The following MECOM variants were observed in gnomAD, a reference collection of about 807,000 sequenced individuals.
MECOM encodes MDS1 and EVI1 complex locus, also known as histone-lysine N-methyltransferase MECOM.
Under a neutral mutation model 116.3 loss-of-function variants are expected in MECOM, and 13 were observed. The observed-to-expected ratio is 0.11, with a 90% CI of 0.07 to 0.18. MECOM has a LOEUF of 0.18. Among genes scored for constraint, MECOM ranks in the 10% least tolerant of loss-of-function variants. The pLI is 1.00. For synonymous variants in MECOM, 528 were observed against 535.2 expected (o/e 0.99, Z 0.19); for missense variants, 1,299 against 1,509.0 (o/e 0.86, Z 2.31).
intron 1 of MECOM, among the ~76,000 whole-genome samples, chr3:169,601,538 A>G (rs1577064824): frequency 6.6e-6 from 1 of 152,336 alleles, no homozygotes; most frequent in South Asian, 2.1e-4. Flanking sequence ...GCGCCGCAGT[A>G]GAAAAACACC....
intron 2 of MECOM, among the ~76,000 whole-genome samples, chr3:169,305,030 T>G (rs145881880): frequency 2.9e-3 from 439 of 152,300 alleles, no homozygotes; most frequent in Admixed American, 5.0e-3. Context: ...TTTACACTAC[T>G]GTGAAAGGCA....
At chr3:169,332,475 C>CA (rs1392536554) in intron 2 of MECOM, among the ~76,000 whole-genome samples, 7 of 151,808 alleles carry the variant, frequency 4.6e-5, no homozygotes, top group Non-Finnish European at 4.4e-5. Context: ...TGTACCAAGA[C>CA]AAAAAAATGT....
chr3:169,591,532 A>C (rs1280617717), intron 1 of MECOM, among the ~76,000 whole-genome samples: 4 of 152,144 alleles, frequency 2.6e-5, no homozygotes, highest in Non-Finnish European at 5.9e-5. Flanking sequence ...CATGTTACAC[A>C]CCCACATACT....
chr3:169,531,352 G>T (rs190610246), intron 1 of MECOM, among the ~76,000 whole-genome samples: 235 of 152,258 alleles, frequency 1.5e-3, no homozygotes, highest in African/African-American at 5.3e-3. Flanking sequence ...ACTGAGGATG[G>T]TGAATAACTT....
chr3:169,225,848 T>C (rs917971833), intron 2 of MECOM, among the ~76,000 whole-genome samples: 7 of 152,204 alleles, frequency 4.6e-5, no homozygotes, highest in African/African-American at 9.6e-5. Context: ...GACATCGTGA[T>C]CCGCCTGCCT....
At chr3:169,649,968 G>T (rs1774681943) in intron 1 of MECOM, among the ~76,000 whole-genome samples, 3 of 152,122 alleles carry the variant, frequency 2.0e-5, no homozygotes, top group Non-Finnish European at 4.4e-5. Flanking sequence ...TTCCATTTTT[G>T]TAACCTTCTG....
intron 1 of MECOM, among the ~76,000 whole-genome samples, chr3:169,568,973 TCAAATTCA>T (rs1257031598): frequency 3.9e-5 from 6 of 152,068 alleles, no homozygotes; most frequent in Admixed American, 1.3e-4. Flanking sequence ...AATGACAGGA[TCAAATTCA>T]CACATATAAA....
At chr3:169,532,426 C>A (rs1207469620) in intron 1 of MECOM, among the ~76,000 whole-genome samples, 1 of 152,180 alleles carries the variant, frequency 6.6e-6, no homozygotes, top group African/African-American at 2.4e-5. Context: ...TGCTAACAAG[C>A]AATACCAGCT....
intron 3 of MECOM, 194 bp from the exon 4 acceptor site, chr3:169,131,725 G>T: frequency 1.6e-6 from 1 of 629,118 alleles, no homozygotes; most frequent in Non-Finnish European, 2.6e-6. Context: ...CAAATGGAAA[G>T]CTGTGACTCT....
At chr3:169,454,865 A>G (rs1277019584) in intron 1 of MECOM, among the ~76,000 whole-genome samples, 1 of 152,216 alleles carries the variant, frequency 6.6e-6, no homozygotes, top group African/African-American at 2.4e-5. Context: ...GACACGCCTC[A>G]TACAGAAACA....
intron 1 of MECOM, among the ~76,000 whole-genome samples, chr3:169,517,194 AG>A (rs1441417029): frequency 6.6e-6 from 1 of 152,180 alleles, no homozygotes; most frequent in Non-Finnish European, 1.5e-5. Context: ...TGGATGATAA[AG>A]GGGCCACCAC....
At chr3:169,495,866 C>T (rs562215962) in intron 1 of MECOM, among the ~76,000 whole-genome samples, 56 of 152,260 alleles carry the variant, frequency 3.7e-4, no homozygotes, top group African/African-American at 1.3e-3. Flanking sequence ...TTGTCCTTTC[C>T]TCTTCTTTTA....
chr3:169,632,878 G>A (rs144108111), intron 1 of MECOM, among the ~76,000 whole-genome samples: 30 of 152,280 alleles, frequency 2.0e-4, no homozygotes, highest in African/African-American at 7.0e-4. Context: ...ACATTTTGTA[G>A]GATGCTTGTC....
intron 2 of MECOM, among the ~76,000 whole-genome samples, chr3:169,224,216 C>T (rs574467186): frequency 6.6e-6 from 1 of 152,246 alleles, no homozygotes; most frequent in South Asian, 2.1e-4. Context: ...GCCTTCCTTC[C>T]CATCTGCCCT....
chr3:169,120,204 T>G (rs1001405593), intron 7 of MECOM, among the ~76,000 whole-genome samples: 1 of 152,150 alleles, frequency 6.6e-6, no homozygotes, highest in South Asian at 2.1e-4. Flanking sequence ...CGCCAAGCAA[T>G]GGATTAAAAG....
chr3:169,277,697 T>C (rs758298104), intron 2 of MECOM, among the ~76,000 whole-genome samples: 2 of 152,206 alleles, frequency 1.3e-5, no homozygotes, highest in Non-Finnish European at 2.9e-5. Flanking sequence ...AGAGATCAGA[T>C]CAAGCCTTCC....
intron 2 of MECOM, among the ~76,000 whole-genome samples, chr3:169,172,329 T>C (rs1744539606): frequency 1.3e-5 from 2 of 152,044 alleles, no homozygotes; most frequent in African/African-American, 4.8e-5. Flanking sequence ...TACAAAATAC[T>C]GACAAATGTC....
chr3:169,515,559 G>A (rs1252243781), intron 1 of MECOM, among the ~76,000 whole-genome samples: 3 of 152,092 alleles, frequency 2.0e-5, no homozygotes, highest in Non-Finnish European at 2.9e-5. Context: ...TACCTCCTGG[G>A]CCCTATCGAA....
intron 1 of MECOM, among the ~76,000 whole-genome samples, chr3:169,511,684 G>A (rs1177516118): frequency 2.6e-5 from 4 of 151,934 alleles, no homozygotes; most frequent in Non-Finnish European, 5.9e-5. Context: ...CACTAGAATT[G>A]CTTGAACCCA....
Sources: gnomAD v4.1 joint callset for allele counts (sites outside exome capture counted in the v4.1 genomes callset) on GRCh38, gnomAD v4.1.1 for gene constraint, MANE v1.5 for transcripts, NCBI Gene and HGNC (gene_info 2026-07-23, HGNC 2026-07-21) for gene names.